RSPRY1: variants seen among roughly 807,000 people sequenced by gnomAD.
The protein encoded by RSPRY1 is RING finger and SPRY domain-containing protein 1.
RSPRY1 carries 23 observed loss-of-function variants against 73.1 expected under a neutral mutation model. The ratio of observed to expected loss-of-function variants is 0.31; its 90% CI spans 0.23 to 0.45. The LOEUF (loss-of-function observed/expected upper bound fraction) is 0.45, where lower values mean the gene tolerates loss of function less well. Ranked by LOEUF, RSPRY1 falls within the 20% of genes least tolerant of loss-of-function variation. The pLI is 1.00. For synonymous variants in RSPRY1, 226 were observed against 251.4 expected (o/e 0.90, Z 0.95); for missense variants, 448 against 698.7 (o/e 0.64, Z 4.05).
chr16:57,207,191 A>G (rs1310392642), intron 2 of RSPRY1, among the ~76,000 whole-genome samples: 1 of 152,236 alleles, frequency 6.6e-6, no homozygotes, highest in East Asian at 1.9e-4. Flanking sequence ...ATCATTCTTC[A>G]GAAATACTTG....
chr16:57,234,642 T>G (rs927101509), intron 13 of RSPRY1, among the ~76,000 whole-genome samples: 2 of 152,170 alleles, frequency 1.3e-5, no homozygotes, highest in East Asian at 1.9e-4. Flanking sequence ...CCATGCTGAG[T>G]GAAAGTATAA....
chr16:57,213,211 T>A lies in RSPRY1; in HGVS notation c.643+113T>A, dbSNP rs551948754. On this transcript the variant is annotated intron_variant, in intron 5 of 14. Coordinates refer to ENST00000394420, the MANE Select transcript of RSPRY1 (RefSeq NM_133368.3). ...ATACCAGAAAGAAATCTCTTAAAAATGATATTGAGAGACATAGACTAACTG... is the reference window on the plus strand; with the variant it reads ...ATACCAGAAAGAAATCTCTTAAAAAAGATATTGAGAGACATAGACTAACTG... 9.0e-5 allele frequency: 95 copies of A among 1,058,238 alleles called. No homozygotes were observed. In the African/African-American group the frequency reaches 1.5e-3, roughly 17 times the overall value. The allele number at this position is 1,058,238 out of a possible 1,614,324, so 65.6% of individuals were successfully genotyped here. A position where few individuals can be genotyped will look rare whatever the true frequency, so the allele number is the denominator to read the frequency against.
chr16:57,229,689 G>GTTT (rs2075177718), intron 11 of RSPRY1, among the ~76,000 whole-genome samples: 2 of 79,980 alleles, frequency 2.5e-5, no homozygotes, highest in South Asian at 4.9e-4. Flanking sequence ...GAAGATAAAT[G>GTTT]CTTTTTTTTT....
At position 57,213,023 on chromosome 16, in the gene RSPRY1, T is replaced by C. The variant is rs549039465; in HGVS notation, c.568T>C (p.Cys190Arg). The change falls in exon 5 of 15, where the codon TGC becomes CGC. Residue 190 changes from cysteine (C) to arginine (R), a missense_variant. Physicochemically the swap from Cys to Arg is radical, Grantham distance 180 (BLOSUM62 -3). Transcript: ENST00000394420. ...EILNLNGEVA[C>R]QDSSHPAKHR... ...TCTCAATTTAAATGGAGAAGTAGCTTGCCAGGACTCAAGCCATCCTGCCAA... is the reference window on the plus strand; with the variant it reads ...TCTCAATTTAAATGGAGAAGTAGCTCGCCAGGACTCAAGCCATCCTGCCAA... The C allele has an allele frequency of 6.2e-7, 1 of 1,614,154 alleles. No individual in the cohort carries two copies. The highest frequency in any genetic ancestry group is 1.1e-5 in the South Asian group (1 of 91,080).
rs548754380 is a variant in RSPRY1 at position 57,203,496 on chromosome 16, TTTTG to T, written c.-155-992_-155-989del. Among the ~76,000 whole-genome samples the T allele has an allele frequency of 1.2e-4, 19 of 152,256 alleles. No individual in the cohort carries two copies. In the East Asian group the frequency reaches 2.1e-3, roughly 17 times the overall value. ...GGCCTGTTCTCCAGCTGTCAGCCTG[TTTTG>T]TTTGTTTGTTTGTTTTTTTACTTTT... On this transcript the variant is annotated intron_variant, in intron 1 of 14. Transcript: ENST00000394420.
chr16:57,191,650 A>C (rs2146154920), intron 1 of RSPRY1, among the ~76,000 whole-genome samples: 1 of 152,120 alleles, frequency 6.6e-6, no homozygotes, highest in East Asian at 1.9e-4. Context: ...AATTTAATTT[A>C]TAGGTTTTTT....
chr16:57,234,596 C>CA (rs2075274447), intron 13 of RSPRY1, among the ~76,000 whole-genome samples: 1 of 152,162 alleles, frequency 6.6e-6, no homozygotes, highest in Admixed American at 6.5e-5. Flanking sequence ...TAGGGCTGTA[C>CA]CTTCAGCAGA....
chr16:57,204,390 C>T (rs1457373960), intron 1 of RSPRY1, 114 bp from the exon 2 acceptor site: 2 of 360,074 alleles, frequency 5.6e-6, no homozygotes, highest in South Asian at 4.9e-5. Context: ...TAAAAATAAC[C>T]AAAGATAATT....
chr16:57,194,174 G>A (rs1385550119), intron 1 of RSPRY1, among the ~76,000 whole-genome samples: 1 of 152,128 alleles, frequency 6.6e-6, no homozygotes, highest in African/African-American at 2.4e-5. Flanking sequence ...TTAAGAGAAA[G>A]TATACTGATG....
chr16:57,234,916 T>G (rs2075278639), intron 13 of RSPRY1, among the ~76,000 whole-genome samples: 1 of 152,190 alleles, frequency 6.6e-6, no homozygotes, highest in African/African-American at 2.4e-5. Context: ...ACTTTGTCTA[T>G]AAAATGGGAA....
chr16:57,232,099 ATATCT>A (rs1201045843), intron 13 of RSPRY1, among the ~76,000 whole-genome samples: 1 of 152,202 alleles, frequency 6.6e-6, no homozygotes, highest in African/African-American at 2.4e-5. Context: ...CTAATACCAC[ATATCT>A]TATATCAGTA....
At chr16:57,215,867 TC>T (rs1412601311) in intron 6 of RSPRY1, among the ~76,000 whole-genome samples, 11 of 152,178 alleles carry the variant, frequency 7.2e-5, no homozygotes, top group African/African-American at 2.4e-4. Context: ...TTTTGAAATT[TC>T]CAAATCTATA....
intron 4 of RSPRY1, among the ~76,000 whole-genome samples, chr16:57,212,485 A>G (rs2074861787): frequency 6.6e-6 from 1 of 152,216 alleles, no homozygotes; most frequent in Non-Finnish European, 1.5e-5. Context: ...AGCATTCTGA[A>G]TGAAGTGGAA....
intron 1 of RSPRY1, among the ~76,000 whole-genome samples, chr16:57,199,005 C>T (rs1267312505): frequency 6.6e-6 from 1 of 152,216 alleles, no homozygotes; most frequent in Non-Finnish European, 1.5e-5. Context: ...CTCCCTTCTA[C>T]CATCCCCAAA....
At chr16:57,229,843 T>TCGCGCCATCACGCCAGGC (rs2075182906) in intron 11 of RSPRY1, among the ~76,000 whole-genome samples, 1 of 149,760 alleles carries the variant, frequency 6.7e-6, no homozygotes, top group African/African-American at 2.5e-5. Flanking sequence ...GTAGCTGGGA[T>TCGCGCCATCACGCCAGGC]TACAGGCACC....
intron 1 of RSPRY1, among the ~76,000 whole-genome samples, chr16:57,200,305 C>G (rs2074545869): frequency 6.6e-6 from 1 of 151,226 alleles, no homozygotes; most frequent in Admixed American, 6.6e-5. Flanking sequence ...ATGTCTACCT[C>G]TTTCTACACA....
chr16:57,220,979 G>A (rs2075025415), intron 9 of RSPRY1, 132 bp downstream of exon 9: 3 of 713,678 alleles, frequency 4.2e-6, no homozygotes, highest in Admixed American at 5.1e-5. Context: ...TGACTTCAGG[G>A]GGAAGTCTCA....
chr16:57,226,972 G>A (rs2146349218), intron 10 of RSPRY1, among the ~76,000 whole-genome samples: 1 of 152,332 alleles, frequency 6.6e-6, no homozygotes, highest in Non-Finnish European at 1.5e-5. Context: ...ACCTGGCTCT[G>A]TTTCTTGGGC....
At chr16:57,213,150 G>C (rs75660456) in intron 5 of RSPRY1, 52 bp downstream of exon 5, 1 of 1,552,270 alleles carries the variant, frequency 6.4e-7, no homozygotes, top group Admixed American at 1.9e-5. Context: ...TGACATTAAA[G>C]GGAAATTTGT....
Sources: allele counts gnomAD v4.1 joint callset (sites outside exome capture counted in the v4.1 genomes callset), GRCh38; gene constraint gnomAD v4.1.1; transcripts MANE v1.5; gene names NCBI Gene and HGNC (gene_info 2026-07-23, HGNC 2026-07-21).